Variants in CSMD1 observed in about 807,000 individuals in gnomAD.
CSMD1 encodes the protein CUB and Sushi multiple domains 1, also known as CUB and sushi domain-containing protein 1.
Under a neutral mutation model 417.5 loss-of-function variants are expected in CSMD1, and 213 were observed. The observed-to-expected ratio is 0.51, with a 90% CI of 0.46 to 0.57. The LOEUF is 0.57. CSMD1 is among the 20% of genes least tolerant of loss of function. The pLI is 0.00. For missense variants in CSMD1, 6,923 were observed against 4,529.7 expected (o/e 1.53, Z -15.17); for synonymous variants, 2,862 against 1,736.8 (o/e 1.65, Z -16.11).
At chr8:4,816,556 C>T (rs1563479556) in intron 1 of CSMD1, among the ~76,000 whole-genome samples, 1 of 152,092 alleles carries the variant, frequency 6.6e-6, no homozygotes, top group African/African-American at 2.4e-5. Context: ...CATTTTCATT[C>T]AACACAGATT....
intron 5 of CSMD1, among the ~76,000 whole-genome samples, chr8:3,904,020 G>T (rs1032646629): frequency 2.0e-5 from 3 of 151,184 alleles, no homozygotes; most frequent in Non-Finnish European, 4.4e-5. Flanking sequence ...TGCCTATCTA[G>T]GTGGGTCTAA....
At chr8:3,039,807 G>C (rs7009153) in intron 50 of CSMD1, among the ~76,000 whole-genome samples, 77,975 of 151,794 alleles carry the variant, frequency 0.51, 20,306 homozygotes, top group African/African-American at 0.54. Flanking sequence ...AGGAGATTGC[G>C]TTTAAAAATT....
intron 1 of CSMD1, among the ~76,000 whole-genome samples, chr8:4,915,820 C>T (rs1458074768): frequency 6.6e-6 from 1 of 152,220 alleles, no homozygotes; most frequent in African/African-American, 2.4e-5. Flanking sequence ...CTTGGCCACA[C>T]GGAGACCCAT....
At chr8:4,027,690 G>T (rs529245327) in intron 4 of CSMD1, among the ~76,000 whole-genome samples, 11 of 152,222 alleles carry the variant, frequency 7.2e-5, no homozygotes, top group African/African-American at 2.4e-4. Context: ...TAATACAGAT[G>T]ACAACTGACA....
intron 12 of CSMD1, among the ~76,000 whole-genome samples, chr8:3,420,311 C>T (rs535931431): frequency 6.6e-6 from 1 of 151,764 alleles, no homozygotes; most frequent in Non-Finnish European, 1.5e-5. Flanking sequence ...CTCAAAATAC[C>T]CAAGATCATC....
chr8:3,559,856 C>T (rs933182259), intron 10 of CSMD1, among the ~76,000 whole-genome samples: 1 of 151,884 alleles, frequency 6.6e-6, no homozygotes, highest in African/African-American at 2.4e-5. Flanking sequence ...ACTAAGAGGC[C>T]CCTAGAGTGG....
chr8:3,729,522 C>T lies in CSMD1; in HGVS notation c.932-21031G>A, dbSNP rs529640504. Among the ~76,000 whole-genome samples, 6 of 152,162 alleles carry T rather than the reference C, an allele frequency of 3.9e-5. No homozygotes were observed. The East Asian group carries it at 1.2e-3, about 29-fold the overall frequency. On this transcript the variant is annotated intron_variant, in intron 6 of 69. Transcript: ENST00000635120. ...CAGCAAGACAGACTGTGGAACCTGC[C>T]CAAGAGGAATCGAAGTGGGCCTTGA...
intron 1 of CSMD1, among the ~76,000 whole-genome samples, chr8:4,928,751 C>G (rs6982354): frequency 1 from 152,166 of 152,222 alleles, 76,055 homozygotes; most frequent in Middle Eastern, 1. Context: ...TTTATTTGCA[C>G]ATAGGCCCAT....
At chr8:3,278,538 C>G (rs190560798) in intron 26 of CSMD1, 7 of 152,074 alleles carry the variant, frequency 4.6e-5, no homozygotes, top group Non-Finnish European at 1.0e-4. Flanking sequence ...GAAAACATTT[C>G]TTTTTGAGTT....
intron 4 of CSMD1, among the ~76,000 whole-genome samples, chr8:4,008,997 T>G (rs1816348800): frequency 1.3e-5 from 2 of 152,290 alleles, no homozygotes; most frequent in South Asian, 4.1e-4. Context: ...GTGGGTAGGT[T>G]TTGTGCCCAT....
At chr8:4,758,319 G>C (rs1409088060) in intron 1 of CSMD1, among the ~76,000 whole-genome samples, 1 of 152,110 alleles carries the variant, frequency 6.6e-6, no homozygotes, top group Non-Finnish European at 1.5e-5. Context: ...TAATTCGCTG[G>C]TTCTGATTCT....
chr8:3,872,140 C>G (rs1017902378), intron 5 of CSMD1, among the ~76,000 whole-genome samples: 7 of 152,154 alleles, frequency 4.6e-5, no homozygotes, highest in African/African-American at 1.7e-4. Flanking sequence ...TTTCTCATTT[C>G]ATGTTGTTTT....
At chr8:4,964,751 T>C (rs1343892389) in intron 1 of CSMD1, among the ~76,000 whole-genome samples, 2 of 152,198 alleles carry the variant, frequency 1.3e-5, no homozygotes, top group East Asian at 1.9e-4. Flanking sequence ...TTCTTTGTCA[T>C]TGAACCTGAC....
chr8:3,513,613 T>C (rs977919884), intron 10 of CSMD1, among the ~76,000 whole-genome samples: 5 of 152,162 alleles, frequency 3.3e-5, no homozygotes, highest in East Asian at 1.9e-4. Context: ...CCAGAAAACA[T>C]GGTAAGACTT....
At chr8:3,993,137 T>C (rs538645318) in intron 5 of CSMD1, among the ~76,000 whole-genome samples, 4 of 152,332 alleles carry the variant, frequency 2.6e-5, no homozygotes, top group East Asian at 3.9e-4. Flanking sequence ...TTGGTGCCAA[T>C]AATTACACTA....
chr8:3,594,375 A>C (rs1800996210), intron 8 of CSMD1, among the ~76,000 whole-genome samples: 1 of 152,224 alleles, frequency 6.6e-6, no homozygotes, highest in Non-Finnish European at 1.5e-5. Flanking sequence ...CTGGAAACTG[A>C]AATTTGGGTT....
intron 3 of CSMD1, among the ~76,000 whole-genome samples, chr8:4,261,765 T>A (rs561636895): frequency 6.6e-6 from 1 of 152,060 alleles, no homozygotes; most frequent in African/African-American, 2.4e-5. Context: ...CTATGTGAAG[T>A]GATGAATATG....
At chr8:3,461,248 C>T (rs544108601) in intron 12 of CSMD1, among the ~76,000 whole-genome samples, 5 of 152,322 alleles carry the variant, frequency 3.3e-5, no homozygotes, top group Admixed American at 1.3e-4. Context: ...GACCCCGAGA[C>T]CTGGCATTCC....
At chr8:3,063,477 T>C (rs1400766112) in intron 49 of CSMD1, among the ~76,000 whole-genome samples, 1 of 152,216 alleles carries the variant, frequency 6.6e-6, no homozygotes, top group Non-Finnish European at 1.5e-5. Flanking sequence ...TACCATATGA[T>C]GCAGAAATTG....
Sources: gnomAD v4.1 joint callset for allele counts (sites outside exome capture counted in the v4.1 genomes callset) on GRCh38, gnomAD v4.1.1 for gene constraint, MANE v1.5 for transcripts, NCBI Gene and HGNC (gene_info 2026-07-23, HGNC 2026-07-21) for gene names.